The following MSH3 variants were observed in gnomAD, a reference collection of about 807,000 sequenced individuals.
MSH3 encodes mutS homolog 3, also known as DNA mismatch repair protein Msh3.
Under a neutral mutation model 123.3 loss-of-function variants are expected in MSH3, and 106 were observed. The observed-to-expected ratio is 0.86, with a 90% confidence interval of 0.73 to 1.01. The LOEUF is 1.01. MSH3 is among the 50% of genes least tolerant of loss of function. The probability of loss-of-function intolerance (pLI) is 0.00; values close to 1 mark genes in which losing one functional copy is unlikely to be tolerated. For missense variants in MSH3, 1,459 were observed against 1,347.6 expected, an observed-to-expected ratio of 1.08 and a Z score of -1.29; for synonymous variants, 515 against 481.4, an observed-to-expected ratio of 1.07 and a Z score of -0.91.
intron 8 of MSH3, among the ~76,000 whole-genome samples, chr5:80,724,574 T>G: frequency 6.6e-6 from 1 of 152,282 alleles, no homozygotes; most frequent in East Asian, 1.9e-4. Context: ...CCAGCATGCA[T>G]GCTATGATTT....
At chr5:80,778,668 C>T (rs369274977) in intron 16 of MSH3, 52 bp from the exon 17 acceptor site, 11 of 1,014,822 alleles carry the variant, frequency 1.1e-5, no homozygotes, top group South Asian at 2.5e-5. Flanking sequence ...GATGGCATTT[C>T]GGATTTTTTA....
At chr5:80,692,589 C>A (rs1172309884) in intron 8 of MSH3, among the ~76,000 whole-genome samples, 2 of 137,720 alleles carry the variant, frequency 1.5e-5, no homozygotes, top group Admixed American at 1.4e-4. Flanking sequence ...GAGAGATAAA[C>A]ATGTATATGT....
At chr5:80,795,330 A>T (rs1473532100) in intron 19 of MSH3, among the ~76,000 whole-genome samples, 1 of 152,214 alleles carries the variant, frequency 6.6e-6, no homozygotes, top group African/African-American at 2.4e-5. Context: ...CTGTAACAAA[A>T]TATCATAGAC....
intron 8 of MSH3, among the ~76,000 whole-genome samples, chr5:80,716,921 A>G (rs1469399075): frequency 6.6e-6 from 1 of 152,076 alleles, no homozygotes; most frequent in Admixed American, 6.6e-5. Context: ...TATGAGATCA[A>G]CTTTTTTAGC....
intron 2 of MSH3, among the ~76,000 whole-genome samples, chr5:80,659,948 A>T (rs957466253): frequency 6.6e-6 from 1 of 152,134 alleles, no homozygotes; most frequent in African/African-American, 2.4e-5. Flanking sequence ...TATTTTTTAT[A>T]CCTGGGATCC....
intron 2 of MSH3, 34 bp downstream of exon 2, chr5:80,656,565 C>T: frequency 6.2e-7 from 1 of 1,613,318 alleles, no homozygotes. Context: ...TCTCCTCAGT[C>T]ATGGCTCTGG....
intron 20 of MSH3, among the ~76,000 whole-genome samples, chr5:80,832,074 C>A (rs1745429283): frequency 6.6e-6 from 1 of 151,992 alleles, no homozygotes; most frequent in Non-Finnish European, 1.5e-5. Context: ...CGCGCCACTG[C>A]ACTCCAGCCT....
chr5:80,872,775 C>G (rs1447336237), intron 22 of MSH3, among the ~76,000 whole-genome samples: 1 of 152,030 alleles, frequency 6.6e-6, no homozygotes, highest in Non-Finnish European at 1.5e-5. Flanking sequence ...CCACTGCACT[C>G]CAGCCTAGGT....
chr5:80,726,935 C>T (rs1743312567), intron 9 of MSH3, among the ~76,000 whole-genome samples: 1 of 152,192 alleles, frequency 6.6e-6, no homozygotes, highest in African/African-American at 2.4e-5. Context: ...GCATGTGTTG[C>T]TCTTAGTGGG....
intron 20 of MSH3, among the ~76,000 whole-genome samples, chr5:80,814,171 G>A (rs562043244): frequency 2.7e-4 from 41 of 151,336 alleles, no homozygotes; most frequent in African/African-American, 9.0e-4. Context: ...AAAAACCCAC[G>A]TTATTTTTAT....
chr5:80,801,501 A>G (rs1374556239), intron 19 of MSH3, among the ~76,000 whole-genome samples: 1 of 152,174 alleles, frequency 6.6e-6, no homozygotes, highest in Admixed American at 6.6e-5. Flanking sequence ...AGTGGGTTGA[A>G]CACATTTAAC....
chr5:80,797,094 C>G (rs1177082240), intron 19 of MSH3, among the ~76,000 whole-genome samples: 1 of 151,852 alleles, frequency 6.6e-6, no homozygotes, highest in Non-Finnish European at 1.5e-5. Flanking sequence ...CAACACCCAC[C>G]CGACTCCCCA....
chr5:80,686,493 C>T (rs1233604480), intron 8 of MSH3, among the ~76,000 whole-genome samples: 1 of 151,802 alleles, frequency 6.6e-6, no homozygotes, highest in Non-Finnish European at 1.5e-5. Context: ...TTAGTAGAGA[C>T]AGGATACGGG....
At chr5:80,667,943 C>T (rs996542031) in intron 3 of MSH3, among the ~76,000 whole-genome samples, 22 of 152,286 alleles carry the variant, frequency 1.4e-4, no homozygotes, top group Middle Eastern at 3.4e-3. Context: ...CCCTGCCATT[C>T]GGTGGGTCCC....
At position 80,725,544 on chromosome 5, in the gene MSH3, A is replaced by G. The variant is rs756088761; in HGVS notation, c.1432A>G (p.Lys478Glu). 6.2e-7 allele frequency: 1 copy of G among 1,613,048 alleles called. No homozygotes were observed. The highest frequency in any genetic ancestry group is 8.5e-7 in the Non-Finnish European group (1 of 1,179,012). The change falls in exon 9 of 24, where the codon AAA (lysine) becomes GAA (glutamate). Residue 478 changes from lysine to glutamate, a missense_variant. By Grantham distance (56) the Lys-to-Glu change is moderately conservative (BLOSUM62 1). Transcript: ENST00000265081. The part of the protein sequence containing the change: ...AFQAVTEFYA[K>E]DTVDIKGSQI... ...CCAGGCAGTTACAGAGTTTTATGCA[A>G]AAGATACAGTTGACATCAAAGGTAA...
intron 13 of MSH3, among the ~76,000 whole-genome samples, chr5:80,766,075 A>G (rs917124094): frequency 5.9e-5 from 9 of 151,976 alleles, no homozygotes; most frequent in African/African-American, 2.2e-4. Flanking sequence ...TTCTTTTTAA[A>G]AGTAGCATCT....
intron 23 of MSH3, among the ~76,000 whole-genome samples, chr5:80,875,342 T>C (rs1448078439): frequency 2.0e-5 from 3 of 152,192 alleles, no homozygotes; most frequent in East Asian, 1.9e-4. Context: ...GTCTGTGTTA[T>C]GCTGGCGTTT....
intron 8 of MSH3, among the ~76,000 whole-genome samples, chr5:80,685,803 C>T (rs1375900358): frequency 6.6e-6 from 1 of 151,866 alleles, no homozygotes; most frequent in Non-Finnish European, 1.5e-5. Context: ...ATAAACTTCC[C>T]TCTTAGTACA....
Position 80,715,310 on chromosome 5 carries a change from G to A in MSH3, c.1341-10143G>A, listed in dbSNP as rs377436119. 14 of 152,244 alleles carry A rather than the reference G, an allele frequency of 9.2e-5. No individual in the cohort carries two copies. In the East Asian group the frequency reaches 1.7e-3, roughly 19 times the overall value. 9.4% of individuals were successfully genotyped at this position (152,244 alleles called of 1,614,324 possible). On this transcript the variant is annotated intron_variant, in intron 8 of 23. Transcript: ENST00000265081. ...ACTGACAAAAGTTCCCATCCTCATG[G>A]ATCCTAGTGAGCAGAGCCATTTCAC...
Sources: allele counts gnomAD v4.1 joint callset (sites outside exome capture counted in the v4.1 genomes callset), GRCh38; gene constraint gnomAD v4.1.1; transcripts MANE v1.5; gene names NCBI Gene and HGNC (gene_info 2026-07-23, HGNC 2026-07-21).